CADPS2: variants seen among roughly 807,000 people sequenced by gnomAD.
CADPS2 encodes calcium-dependent secretion activator 2.
Under a neutral mutation model 172.5 loss-of-function variants are expected in CADPS2, and 93 were observed. That is an observed-to-expected ratio of 0.54 (90% CI 0.46 to 0.64). The LOEUF is 0.64. Among genes scored for constraint, CADPS2 ranks in the 30% least tolerant of loss-of-function variants. The probability of loss-of-function intolerance (pLI) is 0.00; values close to 1 mark genes in which losing one functional copy is unlikely to be tolerated. For synonymous variants in CADPS2, 546 were observed against 555.2 expected (o/e 0.98, Z 0.23); for missense variants, 1,420 against 1,565.9 (o/e 0.91, Z 1.57).
intron 29 of CADPS2, among the ~76,000 whole-genome samples, chr7:122,322,020 C>T (rs1470224214): frequency 6.9e-6 from 1 of 144,202 alleles, no homozygotes; most frequent in Non-Finnish European, 1.5e-5. Context: ...CTGTAATTTG[C>T]ATCAGAACCA....
chr7:122,878,390 C>T (rs1276089673), intron 1 of CADPS2, among the ~76,000 whole-genome samples: 1 of 150,472 alleles, frequency 6.6e-6, no homozygotes, highest in Non-Finnish European at 1.5e-5. Context: ...CGGTGGCTCA[C>T]GCCTGTAATC....
intron 6 of CADPS2, among the ~76,000 whole-genome samples, chr7:122,595,558 AAG>A (rs1478110134): frequency 6.6e-6 from 1 of 152,118 alleles, no homozygotes; most frequent in Non-Finnish European, 1.5e-5. Flanking sequence ...CTCCAAAGGT[AAG>A]AGAGTCTTAA....
chr7:122,726,345 T>C (rs889450036), intron 2 of CADPS2, among the ~76,000 whole-genome samples: 1 of 152,034 alleles, frequency 6.6e-6, no homozygotes, highest in Non-Finnish European at 1.5e-5. Flanking sequence ...ATGACTGTCT[T>C]AGCTAATCAC....
intron 2 of CADPS2, among the ~76,000 whole-genome samples, chr7:122,730,607 A>G (rs1417995376): frequency 6.6e-6 from 1 of 151,762 alleles, no homozygotes; most frequent in Non-Finnish European, 1.5e-5. Context: ...TATATTGAGT[A>G]TCTGATATTA....
chr7:122,639,643 C>A (rs943292804), intron 3 of CADPS2, among the ~76,000 whole-genome samples: 6 of 152,172 alleles, frequency 3.9e-5, no homozygotes, highest in Non-Finnish European at 8.8e-5. Context: ...CCCTTTTATA[C>A]CCACATCCAC....
At position 122,319,637 on chromosome 7, in the gene CADPS2, T is replaced by C. The variant is rs765542344; in HGVS notation, c.*528A>G. The C allele has an allele frequency of 6.6e-6, 1 of 152,158 alleles. No homozygotes were observed. Among genetic ancestry groups the C allele is most frequent in the Non-Finnish European group, 1.5e-5 (1 of 68,072 alleles). 9.4% of individuals were successfully genotyped at this position (152,158 alleles called of 1,614,324 possible). A position where few individuals can be genotyped will look rare whatever the true frequency, so the allele number is the denominator to read the frequency against. ...CAATTCAAAGTACTAAGAACCAAGA[T>C]TAAAGATTTTATACACATCACAATA... On this transcript the variant is annotated 3_prime_UTR_variant, in exon 30 of 30. Transcript: ENST00000449022.
chr7:122,825,100 A>G (rs1804501511), intron 1 of CADPS2, among the ~76,000 whole-genome samples: 1 of 152,222 alleles, frequency 6.6e-6, no homozygotes, highest in African/African-American at 2.4e-5. Context: ...TAGCAAAAAT[A>G]GCTAGAAAAA....
At chr7:122,733,138 T>C (rs1588859407) in intron 2 of CADPS2, among the ~76,000 whole-genome samples, 1 of 151,522 alleles carries the variant, frequency 6.6e-6, no homozygotes, top group South Asian at 2.1e-4. Context: ...AGAAAGAACA[T>C]GAAAGGCCAA....
chr7:122,663,113 A>G (rs1049996445), intron 3 of CADPS2, 124 bp downstream of exon 3: 1 of 709,320 alleles, frequency 1.4e-6, no homozygotes, highest in Non-Finnish European at 2.3e-6. Flanking sequence ...TTCAAATTCA[A>G]TTTTGCTCAA....
chr7:122,366,420 T>C (rs2040849186), intron 25 of CADPS2, among the ~76,000 whole-genome samples: 1 of 146,008 alleles, frequency 6.8e-6, no homozygotes, highest in Non-Finnish European at 1.5e-5. Flanking sequence ...CTGGCCAACA[T>C]AGTGAAACCC....
At chr7:122,567,999 G>A (rs2066689211) in intron 7 of CADPS2, among the ~76,000 whole-genome samples, 1 of 152,010 alleles carries the variant, frequency 6.6e-6, no homozygotes, top group Admixed American at 6.6e-5. Flanking sequence ...GTGTCAGAAT[G>A]GATAATAAAG....
At chr7:122,421,635 T>C (rs923522126) in intron 17 of CADPS2, among the ~76,000 whole-genome samples, 1 of 152,226 alleles carries the variant, frequency 6.6e-6, no homozygotes, top group Non-Finnish European at 1.5e-5. Context: ...ATATTATTTC[T>C]GCCTTCAAAG....
Position 122,753,762 on chromosome 7 carries a change from T to C in CADPS2, c.340-16694A>G, listed in dbSNP as rs2138480301. 2.0e-5 allele frequency among the ~76,000 whole-genome samples: 3 copies of C among 152,262 alleles called. No individual in the cohort carries two copies. In the South Asian group the frequency reaches 6.2e-4, roughly 32 times the overall value. On this transcript the variant is annotated intron_variant, in intron 1 of 29. Transcript: ENST00000449022. ...TCTAAAGCAAGCTCAGTTGTATACA[T>C]ATAAACACACGAACGCTTGCATGCT...
At chr7:122,567,089 C>A (rs2066569732) in intron 7 of CADPS2, among the ~76,000 whole-genome samples, 1 of 148,706 alleles carries the variant, frequency 6.7e-6, no homozygotes. Flanking sequence ...CTTTTAAACT[C>A]CAAATTCTAC....
intron 9 of CADPS2, among the ~76,000 whole-genome samples, chr7:122,499,797 TTTTA>T (rs2059046995): frequency 6.6e-6 from 1 of 152,072 alleles, no homozygotes; most frequent in Non-Finnish European, 1.5e-5. Flanking sequence ...AAAGTAATAC[TTTTA>T]TCATCAACTA....
chr7:122,697,978 G>C, intron 2 of CADPS2: 1 of 1,613,500 alleles, frequency 6.2e-7, no homozygotes, highest in Non-Finnish European at 8.5e-7. Flanking sequence ...CAAAGGTTCT[G>C]TTCCATTTTC....
chr7:122,643,292 T>A (rs1332072663), intron 3 of CADPS2, among the ~76,000 whole-genome samples: 1 of 152,314 alleles, frequency 6.6e-6, no homozygotes, highest in East Asian at 1.9e-4. Context: ...GTGTCAATCC[T>A]CCACCATCAC....
chr7:122,401,759 C>T (rs919318649), intron 20 of CADPS2, among the ~76,000 whole-genome samples: 6 of 152,040 alleles, frequency 3.9e-5, no homozygotes, highest in Admixed American at 2.0e-4. Context: ...GGGTAGAGAG[C>T]GAAGTGAGAG....
At chr7:122,555,302 A>G (rs1486724414) in intron 7 of CADPS2, among the ~76,000 whole-genome samples, 2 of 152,104 alleles carry the variant, frequency 1.3e-5, no homozygotes, top group African/African-American at 4.8e-5. Context: ...CAAATTGACA[A>G]GTGATTATTT....
Sources: allele counts gnomAD v4.1 joint callset (sites outside exome capture counted in the v4.1 genomes callset), GRCh38; gene constraint gnomAD v4.1.1; transcripts MANE v1.5; gene names NCBI Gene and HGNC (gene_info 2026-07-23, HGNC 2026-07-21).